The following CTNNA2 variants were observed in gnomAD, a reference collection of about 807,000 sequenced individuals.
The protein encoded by CTNNA2 is catenin alpha-2.
CTNNA2 carries 42 observed loss-of-function variants against 101.0 expected under a neutral mutation model. That is an observed-to-expected ratio of 0.42 (90% CI 0.32 to 0.54). The LOEUF (loss-of-function observed/expected upper bound fraction) is 0.54, where lower values mean the gene tolerates loss of function less well. Among genes scored for constraint, CTNNA2 ranks in the 20% least tolerant of loss-of-function variants. CTNNA2 has a pLI of 0.14. For synonymous variants in CTNNA2, 450 were observed against 456.4 expected, an observed-to-expected ratio of 0.99 and a Z score of 0.18; for missense variants, 871 against 1,223.1, an observed-to-expected ratio of 0.71 and a Z score of 4.29.
At chr2:79,956,865 T>TTTTTTTTTTTTTTTC (rs1689272092) in intron 7 of CTNNA2, among the ~76,000 whole-genome samples, 3 of 124,612 alleles carry the variant, frequency 2.4e-5, no homozygotes, top group African/African-American at 8.9e-5. Context: ...TTTTTTTTTT[T>TTTTTTTTTTTTTTTC]TTTCAGTGTA....
At chr2:80,130,343 G>T (rs1428465510) in intron 7 of CTNNA2, among the ~76,000 whole-genome samples, 1 of 152,162 alleles carries the variant, frequency 6.6e-6, no homozygotes, top group African/African-American at 2.4e-5. Flanking sequence ...CTAAATTGGA[G>T]CACATTCAAG....
At chr2:80,586,900 G>A (rs1447959096) in intron 14 of CTNNA2, among the ~76,000 whole-genome samples, 10 of 152,194 alleles carry the variant, frequency 6.6e-5, no homozygotes, top group Non-Finnish European at 1.5e-5. Flanking sequence ...ACGGGTTCAA[G>A]GATACCTTTA....
At chr2:79,580,121 G>A (rs576869033) in intron 1 of CTNNA2, among the ~76,000 whole-genome samples, 2 of 152,114 alleles carry the variant, frequency 1.3e-5, no homozygotes, top group African/African-American at 2.4e-5. Flanking sequence ...TTAGATATTG[G>A]AATGCAGTGT....
At chr2:80,409,389 C>T (rs183448384) in intron 8 of CTNNA2, among the ~76,000 whole-genome samples, 13 of 152,184 alleles carry the variant, frequency 8.5e-5, no homozygotes, top group Admixed American at 3.9e-4. Context: ...ATACATTTGA[C>T]GGGAATAACT....
intron 7 of CTNNA2, among the ~76,000 whole-genome samples, chr2:79,929,951 T>A (rs1687275958): frequency 6.6e-6 from 1 of 152,016 alleles, no homozygotes; most frequent in Non-Finnish European, 1.5e-5. Flanking sequence ...TAATCTGGGT[T>A]CCTGGCCAGC....
At chr2:79,531,727 G>C (rs1463249556) in intron 1 of CTNNA2, among the ~76,000 whole-genome samples, 5 of 151,646 alleles carry the variant, frequency 3.3e-5, no homozygotes, top group African/African-American at 1.2e-4. Flanking sequence ...TGTTGCCCAG[G>C]CTGGAGTGCA....
At chr2:79,407,783 A>G (rs1198383605) in intron 4 of CTNNA2, among the ~76,000 whole-genome samples, 2 of 151,978 alleles carry the variant, frequency 1.3e-5, no homozygotes, top group Non-Finnish European at 2.9e-5. Context: ...ACCCACATGA[A>G]CAGAAAAGCC....
chr2:80,628,497 T>A (rs1310750996), intron 18 of CTNNA2, among the ~76,000 whole-genome samples: 1 of 151,334 alleles, frequency 6.6e-6, no homozygotes, highest in Non-Finnish European at 1.5e-5. Flanking sequence ...TATTTATTAA[T>A]AAATAGTGTT....
chr2:80,385,390 G>A (rs779749790), intron 7 of CTNNA2, among the ~76,000 whole-genome samples: 77 of 152,132 alleles, frequency 5.1e-4, no homozygotes, highest in Non-Finnish European at 8.2e-4. Context: ...ACAAAAAGAA[G>A]ACAGCCTTCT....
At chr2:79,604,420 C>T (rs1250853080) in intron 1 of CTNNA2, among the ~76,000 whole-genome samples, 5 of 152,094 alleles carry the variant, frequency 3.3e-5, no homozygotes, top group Admixed American at 6.5e-5. Context: ...AGGGAGTTTT[C>T]GGGGAACACC....
chr2:79,933,871 T>C (rs1219390313), intron 7 of CTNNA2, among the ~76,000 whole-genome samples: 2 of 152,226 alleles, frequency 1.3e-5, no homozygotes, highest in Admixed American at 6.5e-5. Flanking sequence ...TTTTTTAACA[T>C]TTTTTGAATA....
At chr2:79,429,523 C>G (rs1310768061) in intron 4 of CTNNA2, among the ~76,000 whole-genome samples, 1 of 152,118 alleles carries the variant, frequency 6.6e-6, no homozygotes, top group Non-Finnish European at 1.5e-5. Context: ...TTTAACTAGA[C>G]TTCCTTAGTC....
intron 7 of CTNNA2, among the ~76,000 whole-genome samples, chr2:80,282,683 G>A (rs991927033): frequency 3.3e-5 from 5 of 152,110 alleles, no homozygotes; most frequent in Admixed American, 3.3e-4. Flanking sequence ...TTTAAAATAT[G>A]TATGTGTTTA....
intron 16 of CTNNA2, among the ~76,000 whole-genome samples, chr2:80,606,373 C>G (rs1698006566): frequency 2.2e-5 from 2 of 91,122 alleles, no homozygotes; most frequent in South Asian, 6.7e-4. Context: ...ATCAAACACA[C>G]ACACACACAC....
At chr2:80,475,952 A>T (rs1253890594) in intron 9 of CTNNA2, among the ~76,000 whole-genome samples, 1 of 152,094 alleles carries the variant, frequency 6.6e-6, no homozygotes, top group Non-Finnish European at 1.5e-5. Flanking sequence ...TCATGTTCCT[A>T]TCGACTAGAG....
At chr2:79,586,774 G>GA (rs1431470364) in intron 1 of CTNNA2, among the ~76,000 whole-genome samples, 2 of 152,054 alleles carry the variant, frequency 1.3e-5, no homozygotes, top group African/African-American at 4.8e-5. Flanking sequence ...CACATCACCT[G>GA]AGCAGTGTAC....
At chr2:80,230,306 G>C (rs553648223) in intron 7 of CTNNA2, among the ~76,000 whole-genome samples, 22 of 134,816 alleles carry the variant, frequency 1.6e-4, no homozygotes, top group African/African-American at 5.8e-4. Flanking sequence ...TTGTTGTTCA[G>C]GCTGGTCTTG....
At chr2:79,186,056 A>G (rs1368295819) in intron 1 of CTNNA2, among the ~76,000 whole-genome samples, 1 of 152,156 alleles carries the variant, frequency 6.6e-6, no homozygotes, top group Non-Finnish European at 1.5e-5. Context: ...ATTATTTCAG[A>G]TTACCATACT....
At chr2:80,213,960 A>G (rs1430305041) in intron 7 of CTNNA2, among the ~76,000 whole-genome samples, 1 of 152,150 alleles carries the variant, frequency 6.6e-6, no homozygotes, top group African/African-American at 2.4e-5. Context: ...TGCCTTTACC[A>G]TTAAGTAATG....
Sources: gnomAD v4.1 joint callset for allele counts (sites outside exome capture counted in the v4.1 genomes callset) on GRCh38, gnomAD v4.1.1 for gene constraint, MANE v1.5 for transcripts, NCBI Gene and HGNC (gene_info 2026-07-23, HGNC 2026-07-21) for gene names.